PLAAT3: variants seen among roughly 807,000 people sequenced by gnomAD.
PLAAT3 encodes Ca-independent phospholipase A1/2.
In PLAAT3, 21 loss-of-function variants were observed where a neutral mutation model predicts 16.7. The ratio of observed to expected loss-of-function variants is 1.26; its 90% CI spans 0.89 to 1.81. The LOEUF (loss-of-function observed/expected upper bound fraction) is 1.81. Ranked by LOEUF, PLAAT3 falls within the 40% of genes most tolerant of loss-of-function variation. The pLI is 0.00. For missense variants in PLAAT3, 219 were observed against 213.7 expected, an observed-to-expected ratio of 1.02 and a Z score of -0.16; for synonymous variants, 76 against 81.7, an observed-to-expected ratio of 0.93 and a Z score of 0.38.
intron 2 of PLAAT3, among the ~76,000 whole-genome samples, chr11:63,600,695 C>T (rs1314321818): frequency 7.2e-5 from 11 of 151,812 alleles, no homozygotes; most frequent in South Asian, 2.1e-4. Flanking sequence ...CTCCACCTCC[C>T]GGGTTCAAGC....
Position 63,613,985 on chromosome 11 carries a change from T to G in PLAAT3, c.15+15A>C. 5 of 1,236,284 alleles carry G rather than the reference T, an allele frequency of 4.0e-6. No individual in the cohort carries two copies. Among genetic ancestry groups the G allele is most frequent in the Non-Finnish European group, 6.0e-6 (5 of 835,940 alleles). 76.6% of individuals were successfully genotyped at this position (1,236,284 alleles called of 1,614,324 possible). ...GCTCCCAGCCCCGCCCAGCCCCGCC[T>G]CGCCCCGCACTTACAATGGGCGCAC... On this transcript the variant is annotated intron_variant, in intron 2 of 4. Transcript: ENST00000415826.
intron 2 of PLAAT3, among the ~76,000 whole-genome samples, chr11:63,605,675 C>T (rs918042698): frequency 3.9e-5 from 6 of 151,920 alleles, no homozygotes; most frequent in African/African-American, 1.2e-4. Context: ...GCCTCAGCCT[C>T]CCGAGTAGCT....
chr11:63,586,058 A>G (rs1278338105), intron 4 of PLAAT3, among the ~76,000 whole-genome samples: 2 of 152,096 alleles, frequency 1.3e-5, no homozygotes, highest in East Asian at 3.9e-4. Context: ...CTCTACAAAA[A>G]ATACAAAAAT....
intron 2 of PLAAT3, chr11:63,608,434 C>A (rs1938620532): frequency 6.6e-6 from 1 of 152,408 alleles, no homozygotes; most frequent in Non-Finnish European, 1.5e-5. Context: ...AAGACAGCCC[C>A]ACCCTACAGC....
rs3219568 is a variant in PLAAT3 at position 63,606,462 on chromosome 11, A to ACC, written c.15+7536_15+7537dup. On this transcript the variant is annotated intron_variant, in intron 2 of 4. Transcript: ENST00000415826. The stretch of plus-strand genomic sequence containing the variant: ...CACACACACACACACACACACACAC[A>ACC]CCTTAGTAAATAAGTAAATAATCTA... Among the ~76,000 whole-genome samples the ACC allele has an allele frequency of 1.8e-3, 240 of 136,562 alleles. 1 individual carries two copies. Among genetic ancestry groups the ACC allele is most frequent in the Admixed American group, 3.6e-3 (49 of 13,782 alleles). 89.6% of individuals were successfully genotyped at this position (136,562 alleles called of 152,430 possible).
intron 2 of PLAAT3, among the ~76,000 whole-genome samples, chr11:63,599,032 A>G (rs1938360906): frequency 1.3e-5 from 2 of 152,196 alleles, no homozygotes; most frequent in East Asian, 3.8e-4. Context: ...TCCATTCAAC[A>G]TTATCCACGT....
intron 3 of PLAAT3, among the ~76,000 whole-genome samples, chr11:63,594,322 G>A (rs143158977): frequency 1.3e-5 from 2 of 152,268 alleles, no homozygotes; most frequent in African/African-American, 4.8e-5. Context: ...GGTATTGGAA[G>A]CTAAGGAATC....
At chr11:63,597,389 T>TG in intron 3 of PLAAT3, among the ~76,000 whole-genome samples, 1 of 151,880 alleles carries the variant, frequency 6.6e-6, no homozygotes, top group Non-Finnish European at 1.5e-5. Flanking sequence ...CCAGGTGTGG[T>TG]GGCAGGCACC....
In PLAAT3 at chr11:63,574,812, G is replaced by T; in HGVS notation, c.*133C>A. ...CCCCAATAAAATCCTCCCTCGTTTT[G>T]CTTTATTTTATTCTGTGAAAATAAG... On this transcript the variant is annotated 3_prime_UTR_variant, in exon 5 of 5. Transcript: ENST00000415826. 1 of 635,518 alleles carries T rather than the reference G, an allele frequency of 1.6e-6. No homozygotes were observed. Among genetic ancestry groups the T allele is most frequent in the Non-Finnish European group, 2.8e-6 (1 of 353,964 alleles). The allele number at this position is 635,518 out of a possible 1,614,324, so 39.4% of individuals were successfully genotyped here.
Position 63,599,355 on chromosome 11 carries a change from A to G in PLAAT3, c.16-1192T>C, listed in dbSNP as rs11605593. ...GTCAGATCCATAGGGGTTTTCCCAC[A>G]TCTCGCCAGCAAGCTTGGTGGCCCT... On this transcript the variant is annotated intron_variant, in intron 2 of 4. Transcript: ENST00000415826. Among the ~76,000 whole-genome samples, 551 of 152,164 alleles carry G rather than the reference A, an allele frequency of 3.6e-3. 1 individual carries two copies. The highest frequency in any genetic ancestry group is 6.7e-3 in the Non-Finnish European group (453 of 68,002).
intron 1 of PLAAT3, 52 bp from the exon 2 acceptor site, chr11:63,614,120 C>T (rs1324079881): frequency 2.6e-6 from 4 of 1,514,402 alleles, no homozygotes; most frequent in Non-Finnish European, 3.7e-6. Flanking sequence ...ACTGCGTCTC[C>T]AGACCCCACG....
chr11:63,616,173 T>C (rs1938867393), upstream of PLAAT3: 1 of 152,186 alleles, frequency 6.6e-6, no homozygotes, highest in Non-Finnish European at 1.5e-5. Flanking sequence ...CACCATGTTG[T>C]GCAATAGATC....
chr11:63,615,130 A>ATG (rs1349807181), upstream of PLAAT3, among the ~76,000 whole-genome samples: 7 of 61,518 alleles, frequency 1.1e-4, 1 homozygote, highest in African/African-American at 3.0e-4. Context: ...GTGTGTATAT[A>ATG]TGTATATGTG....
intron 2 of PLAAT3, among the ~76,000 whole-genome samples, chr11:63,610,596 C>G (rs1938668240): frequency 6.6e-6 from 1 of 152,158 alleles, no homozygotes; most frequent in Non-Finnish European, 1.5e-5. Context: ...AAGAAGGGTC[C>G]TCTTCTCTTC....
intron 2 of PLAAT3, among the ~76,000 whole-genome samples, chr11:63,601,024 A>T (rs1159340589): frequency 4.6e-5 from 7 of 150,570 alleles, no homozygotes; most frequent in Non-Finnish European, 1.0e-4. Context: ...ACTAAATTTT[A>T]AAAATAAATA....
chr11:63,589,964 A>G, intron 4 of PLAAT3, 136 bp downstream of exon 4: 1 of 653,016 alleles, frequency 1.5e-6, no homozygotes, highest in Non-Finnish European at 2.4e-6. Context: ...CCCTTGTCCC[A>G]ACTGTGACAT....
At position 63,614,386 on chromosome 11, in the gene PLAAT3, T is replaced by A; in HGVS notation, c.-56A>T. 4.1e-6 allele frequency: 1 copy of A among 242,626 alleles called. No individual in the cohort carries two copies. Among genetic ancestry groups the A allele is most frequent in the East Asian group, 8.2e-5 (1 of 12,260 alleles). 15.0% of individuals were successfully genotyped at this position (242,626 alleles called of 1,614,324 possible). ...TCCAGGAAGACCCGATCCACCCACCTCGCGGTCTCGGAGGCAGCGCTGCAG... is the reference window on the plus strand; with the variant it reads ...TCCAGGAAGACCCGATCCACCCACCACGCGGTCTCGGAGGCAGCGCTGCAG... On this transcript the variant is annotated splice_region_variant and 5_prime_UTR_variant, in exon 1 of 5. Coordinates refer to ENST00000415826, the MANE Select transcript of PLAAT3 (RefSeq NM_001128203.2).
intron 2 of PLAAT3, among the ~76,000 whole-genome samples, chr11:63,602,242 A>G (rs1021201742): frequency 2.7e-4 from 41 of 151,650 alleles, no homozygotes; most frequent in Admixed American, 2.5e-3. Flanking sequence ...GTGAGCCAAG[A>G]TCGCACCACT....
intron 3 of PLAAT3, among the ~76,000 whole-genome samples, chr11:63,591,668 G>A (rs1938156983): frequency 6.6e-6 from 1 of 152,230 alleles, no homozygotes; most frequent in Non-Finnish European, 1.5e-5. Flanking sequence ...TGCATGCAAT[G>A]CCTACATGCA....
Sources: allele counts gnomAD v4.1 joint callset (sites outside exome capture counted in the v4.1 genomes callset), GRCh38; gene constraint gnomAD v4.1.1; transcripts MANE v1.5; gene names NCBI Gene and HGNC (gene_info 2026-07-23, HGNC 2026-07-21).